The following ZZEF1 variants were observed in gnomAD, a reference collection of about 807,000 sequenced individuals.
ZZEF1 encodes the protein zinc finger ZZ-type and EF-hand domain containing 1.
ZZEF1 carries 157 observed loss-of-function variants against 342.8 expected under a neutral mutation model. The observed-to-expected ratio is 0.46, with a 90% CI of 0.40 to 0.52. The LOEUF is 0.52. Ranked by LOEUF, ZZEF1 falls within the 20% of genes least tolerant of loss-of-function variation. The probability of loss-of-function intolerance (pLI) is 0.00; values close to 1 mark genes in which losing one functional copy is unlikely to be tolerated. For synonymous variants in ZZEF1, 1,505 were observed against 1,429.1 expected (o/e 1.05, Z -1.20); for missense variants, 3,480 against 3,725.6 (o/e 0.93, Z 1.72).
intron 32 of ZZEF1, 108 bp from the exon 33 acceptor site, chr17:4,056,453 A>G (rs954323664): frequency 3.6e-5 from 43 of 1,191,892 alleles, no homozygotes; most frequent in Admixed American, 2.9e-4. Context: ...GCATTTTTCA[A>G]CTTCTGAGAG....
At chr17:4,039,793 G>A (rs1348894830) in intron 39 of ZZEF1, among the ~76,000 whole-genome samples, 2 of 151,478 alleles carry the variant, frequency 1.3e-5, no homozygotes, top group East Asian at 3.9e-4. Context: ...ACAGGCGCCC[G>A]CCACCACGCC....
Position 4,075,344 on chromosome 17 carries a change from C to T in ZZEF1, c.3320G>A (p.Cys1107Tyr). The change falls in exon 22 of 55, where the codon TGC becomes TAC. Residue 1107 changes from cysteine (C) to tyrosine (Y), a missense_variant. Coordinates refer to ENST00000381638, the MANE Select transcript of ZZEF1 (RefSeq NM_015113.4). ...GCTAACAAAGACGGATACCTCATGGCAATTATTTTCATAGTTGTGGGCAGA... is the reference window on the plus strand; with the variant it reads ...GCTAACAAAGACGGATACCTCATGGTAATTATTTTCATAGTTGTGGGCAGA... ...KESAHNYENN[C>Y]HEVSVFVSPG... is the part of the protein sequence containing the mutation. 6.2e-7 allele frequency: 1 copy of T among 1,614,206 alleles called. No individual in the cohort carries two copies. Among genetic ancestry groups the T allele is most frequent in the Non-Finnish European group, 8.5e-7 (1 of 1,180,044 alleles).
rs545216557 is a variant in ZZEF1 at position 4,063,504 on chromosome 17, C to T, written c.4719-587G>A. 1.0e-3 allele frequency among the ~76,000 whole-genome samples: 154 copies of T among 152,294 alleles called. 3 individuals carry two copies. Among genetic ancestry groups the T allele is most frequent in the African/African-American group, 3.3e-3 (138 of 41,564 alleles). On this transcript the variant is annotated intron_variant, in intron 29 of 54. Coordinates refer to ENST00000381638, the MANE Select transcript of ZZEF1 (RefSeq NM_015113.4). ...AAAATGCTTCCTTTTAAAATTCTAA[C>T]GGTACGTTCTTGAGATATACTTTAT...
At chr17:4,108,623 G>C (rs1018391988) in intron 6 of ZZEF1, among the ~76,000 whole-genome samples, 8 of 152,170 alleles carry the variant, frequency 5.3e-5, no homozygotes, top group African/African-American at 9.7e-5. Flanking sequence ...GATTTCAATG[G>C]TTGTCAGTAA....
In ZZEF1 at chr17:4,114,378, C is replaced by A. The variant is rs1460197683; in HGVS notation, c.787G>T (p.Ala263Ser). 1.2e-6 allele frequency: 2 copies of A among 1,612,078 alleles called. No homozygotes were observed. The highest frequency in any genetic ancestry group is 1.7e-6 in the Non-Finnish European group (2 of 1,179,160). ...CCATTTGTCATCTTGTCAATGTCTG[C>A]CGAGTTGGAGGATGTTTCTATATAA... ...YAYIETSSNS[A>S]DIDKMTNGET... Residue 263 changes from alanine to serine, a missense_variant, in exon 4 of 55, where the codon GCA (alanine) becomes TCA (serine). Around this residue, in one of 5 missense-constraint regions of ZZEF1, gnomAD observed 416 missense variants for 374.2 expected, o/e 1.11. Coordinates refer to ENST00000381638, the MANE Select transcript of ZZEF1 (RefSeq NM_015113.4).
intron 39 of ZZEF1, among the ~76,000 whole-genome samples, chr17:4,041,951 A>G (rs2056812571): frequency 6.6e-6 from 1 of 152,140 alleles, no homozygotes; most frequent in South Asian, 2.1e-4. Context: ...CTATATGTAT[A>G]AAACTATTCT....
intron 42 of ZZEF1, among the ~76,000 whole-genome samples, chr17:4,026,983 G>A (rs921412656): frequency 7.2e-5 from 11 of 152,108 alleles, no homozygotes; most frequent in East Asian, 1.9e-4. Context: ...AATGTTCAGC[G>A]CAGTTTTTCA....
At chr17:4,097,492 A>G (rs939068405) in intron 9 of ZZEF1, among the ~76,000 whole-genome samples, 1 of 151,330 alleles carries the variant, frequency 6.6e-6, no homozygotes, top group African/African-American at 2.4e-5. Context: ...AAAAAAAAAA[A>G]AAAAAAAAAG....
chr17:4,140,485 G>A (rs2145631951), intron 1 of ZZEF1, among the ~76,000 whole-genome samples: 1 of 152,216 alleles, frequency 6.6e-6, no homozygotes, highest in South Asian at 2.1e-4. Context: ...TATAATTAAT[G>A]GGTTAATACC....
At chr17:4,029,150 T>C (rs2056480901) in intron 42 of ZZEF1, among the ~76,000 whole-genome samples, 1 of 152,134 alleles carries the variant, frequency 6.6e-6, no homozygotes, top group Non-Finnish European at 1.5e-5. Context: ...ACCAACAACA[T>C]AGTGCACATG....
chr17:4,032,211 T>C lies in ZZEF1; in HGVS notation c.6807A>G (p.Glu2269=), dbSNP rs762239837. Residue 2269 remains glutamate, a synonymous_variant, in exon 42 of 55, where the codon GAA becomes GAG. Coordinates refer to ENST00000381638, the MANE Select transcript of ZZEF1 (RefSeq NM_015113.4). ...TRCVYMDNAN[E]PHNVIILKHF... Reference sequence around the variant, plus strand: ...GCTTCAAGATGATCACATTATGGGGTTCATTGGCATTATCCATATAAACGC... The same window carrying C: ...GCTTCAAGATGATCACATTATGGGGCTCATTGGCATTATCCATATAAACGC... 1.9e-6 allele frequency: 3 copies of C among 1,613,822 alleles called. No homozygotes were observed. The highest frequency in any genetic ancestry group is 1.3e-5 in the African/African-American group (1 of 74,858).
chr17:4,099,162 A>G (rs1567840461), intron 9 of ZZEF1, among the ~76,000 whole-genome samples: 2 of 152,230 alleles, frequency 1.3e-5, no homozygotes, highest in Non-Finnish European at 2.9e-5. Context: ...CCTTAAAAAA[A>G]AAAATAAAAC....
rs541461547 is a variant in ZZEF1, at chr17:4,097,926, C to CAAAAAAAA, written c.1673-1234_1673-1227dup. Among the ~76,000 whole-genome samples, 52 of 63,664 alleles carry CAAAAAAAA rather than the reference C, an allele frequency of 8.2e-4. 4 individuals carry two copies. Among genetic ancestry groups the CAAAAAAAA allele is most frequent in the East Asian group, 7.4e-3 (15 of 2,018 alleles). 41.8% of individuals were successfully genotyped at this position (63,664 alleles called of 152,430 possible). A position where few individuals can be genotyped will look rare whatever the true frequency, so the allele number is the denominator to read the frequency against. On this transcript the variant is annotated intron_variant, in intron 9 of 54. Transcript: ENST00000381638. ...CAGCACAGTGAGACCCCATTTCTAC[C>CAAAAAAAA]AAAAAAAAAAAAAAAAAAAGCAAAA...
At position 4,087,518 on chromosome 17, in the gene ZZEF1, C is replaced by T. The variant is rs1284548666; in HGVS notation, c.2258G>A (p.Ser753Asn). ...LAHDLVQQKE[S>N]GLKYKSFLDF... ...CAGAAAAGATTTATATTTTAAGCCACTTTCCTTCTGCTGCACCTAAAAAAT... is the reference window on the plus strand; with the variant it reads ...CAGAAAAGATTTATATTTTAAGCCATTTTCCTTCTGCTGCACCTAAAAAAT... Residue 753 changes from serine (S) to asparagine (N), a missense_variant, in exon 14 of 55, where the codon AGT becomes AAT. Ser to Asn is a conservative substitution (Grantham distance 46, BLOSUM62 1). Around this residue, in one of 5 missense-constraint regions of ZZEF1, gnomAD observed 1,528 missense variants for 1,624.1 expected, o/e 0.94. Coordinates refer to ENST00000381638, the MANE Select transcript of ZZEF1 (RefSeq NM_015113.4). The T allele has an allele frequency of 6.2e-7, 1 of 1,608,852 alleles. No individual in the cohort carries two copies. Among genetic ancestry groups the T allele is most frequent in the Non-Finnish European group, 8.5e-7 (1 of 1,178,680 alleles).
chr17:4,109,765 C>T lies in ZZEF1; in HGVS notation c.1165G>A (p.Val389Ile). 6.2e-7 allele frequency: 1 copy of T among 1,614,144 alleles called. No homozygotes were observed. Among genetic ancestry groups the T allele is most frequent in the Non-Finnish European group, 8.5e-7 (1 of 1,180,014 alleles). The change falls in exon 6 of 55, where the codon GTC becomes ATC. Residue 389 changes from valine to isoleucine, a missense_variant. Val to Ile is a conservative substitution (Grantham distance 29). Coordinates refer to ENST00000381638, the MANE Select transcript of ZZEF1 (RefSeq NM_015113.4). ...ATTGCAGAAGCATCTGAGACTGAGA[C>T]CCCAGACTTCTTAACTCTCTGAAAG... ...VGFQRVKKSGVSVSDASAIWY... is the reference protein window; with the variant it reads ...VGFQRVKKSGISVSDASAIWY...
intron 52 of ZZEF1, 46 bp from the exon 53 acceptor site, chr17:4,009,803 C>T (rs1180432315): frequency 1.1e-5 from 18 of 1,596,678 alleles, no homozygotes; most frequent in Non-Finnish European, 1.4e-5. Flanking sequence ...AGAGCCATGC[C>T]AAGGTCACAT....
In ZZEF1 at chr17:4,070,665, T is replaced by C. The variant is rs2057490055; in HGVS notation, c.4075+19A>G. The C allele has an allele frequency of 6.2e-7, 1 of 1,607,326 alleles. No homozygotes were observed. The highest frequency in any genetic ancestry group is 1.1e-5 in the South Asian group (1 of 89,836). ...GCAATTAGCCTTCAGATCAAAAATA[T>C]TCCCTGTAATAAAGTTACCATATTT... is the stretch of plus-strand genomic sequence containing the variant. On this transcript the variant is annotated intron_variant, in intron 26 of 54. Coordinates refer to ENST00000381638, the MANE Select transcript of ZZEF1 (RefSeq NM_015113.4).
rs1456693233 is a variant in ZZEF1, at chr17:4,095,972, C to A, written c.1772G>T (p.Arg591Leu). ...CCCACACTGGGCACCAATGCCACCA[C>A]GTCGAACCTGGAAACAGAGATTAGG... ...QVTQIRIMVR[R>L]GGIGAQCGLV... The change falls in exon 11 of 55, where the codon CGT becomes CTT. Residue 591 changes from arginine (R) to leucine (L), a missense_variant. Physicochemically the swap from Arg to Leu is moderately radical, Grantham distance 102 (BLOSUM62 -2). Coordinates refer to ENST00000381638, the MANE Select transcript of ZZEF1 (RefSeq NM_015113.4). The A allele has an allele frequency of 2.5e-6, 4 of 1,608,262 alleles. No homozygotes were observed. Among genetic ancestry groups the A allele is most frequent in the Non-Finnish European group, 3.4e-6 (4 of 1,176,820 alleles).
At position 4,032,133 on chromosome 17, in the gene ZZEF1, C is replaced by T. The variant is rs140748861; in HGVS notation, c.6885G>A (p.Arg2295=). 5.0e-6 allele frequency: 8 copies of T among 1,609,266 alleles called. No individual in the cohort carries two copies. In the African/African-American group the frequency reaches 1.1e-4, roughly 22 times the overall value. The change falls in exon 42 of 55, where the codon AGG becomes AGA. Residue 2295 remains arginine, a synonymous_variant. Coordinates refer to ENST00000381638, the MANE Select transcript of ZZEF1 (RefSeq NM_015113.4). ...AATAATTACGCATGGTACCTGTTTT[C>T]CTCTTCCGAGTTTTGACATCAACAA... ...AVIVDVKTRK[R]KTVKDYQLVQ...
Sources: gnomAD v4.1 joint callset for allele counts (sites outside exome capture counted in the v4.1 genomes callset) on GRCh38, gnomAD v4.1.1 for gene constraint, gnomAD v4.1.1 regional missense constraint, MANE v1.5 for transcripts, NCBI Gene and HGNC (gene_info 2026-07-23, HGNC 2026-07-21) for gene names.